The following CDH8 variants were observed in gnomAD, a reference collection of about 807,000 sequenced individuals.
CDH8 encodes the protein cadherin 8.
In CDH8, 17 loss-of-function variants were observed where a neutral mutation model predicts 68.1. The observed-to-expected ratio is 0.25, with a 90% CI of 0.17 to 0.37. The LOEUF is 0.37. CDH8 is among the 10% of genes least tolerant of loss of function. The probability of loss-of-function intolerance (pLI) is 1.00; values close to 1 mark genes in which losing one functional copy is unlikely to be tolerated. For synonymous variants in CDH8, 372 were observed against 365.1 expected (o/e 1.02, Z -0.21); for missense variants, 763 against 999.3 (o/e 0.76, Z 3.19).
At chr16:61,751,314 A>C (rs1567453470) in intron 8 of CDH8, among the ~76,000 whole-genome samples, 1 of 149,332 alleles carries the variant, frequency 6.7e-6, no homozygotes, top group Non-Finnish European at 1.5e-5. Flanking sequence ...ACTACCAGAG[A>C]AGATTTTCCT....
chr16:61,822,444 G>GA (rs1846272948), intron 5 of CDH8, among the ~76,000 whole-genome samples: 1 of 151,226 alleles, frequency 6.6e-6, no homozygotes, highest in Non-Finnish European at 1.5e-5. Flanking sequence ...AACCCAAAAG[G>GA]AAAAATCAAA....
chr16:61,681,504 T>C (rs965509775), intron 10 of CDH8, among the ~76,000 whole-genome samples: 3 of 151,722 alleles, frequency 2.0e-5, no homozygotes, highest in Admixed American at 1.3e-4. Flanking sequence ...AGATTCATTA[T>C]TGTCTGCAGC....
At chr16:61,923,613 A>C (rs1964409628) in intron 2 of CDH8, among the ~76,000 whole-genome samples, 1 of 151,706 alleles carries the variant, frequency 6.6e-6, no homozygotes, top group African/African-American at 2.4e-5. Context: ...GAAATACTAT[A>C]TGTCACATAT....
chr16:61,854,875 CTAA>C (rs1460711174), intron 4 of CDH8, among the ~76,000 whole-genome samples: 1 of 152,038 alleles, frequency 6.6e-6, no homozygotes, highest in Non-Finnish European at 1.5e-5. Flanking sequence ...TTAGGGACAA[CTAA>C]CACTTACTGC....
chr16:61,913,173 C>T (rs1268526077), intron 2 of CDH8, among the ~76,000 whole-genome samples: 1 of 152,044 alleles, frequency 6.6e-6, no homozygotes, highest in Non-Finnish European at 1.5e-5. Context: ...ACACAAAATT[C>T]ATTTATGTTT....
At chr16:61,727,986 G>T (rs1596905966) in intron 8 of CDH8, among the ~76,000 whole-genome samples, 1 of 150,900 alleles carries the variant, frequency 6.6e-6, no homozygotes, top group East Asian at 2.0e-4. Context: ...TCCTGACTTG[G>T]GACATGTTAT....
intron 10 of CDH8, among the ~76,000 whole-genome samples, chr16:61,688,790 T>C (rs1489699467): frequency 6.6e-6 from 1 of 151,998 alleles, no homozygotes; most frequent in East Asian, 1.9e-4. Context: ...CTTTAGCATA[T>C]AGGTCAACTA....
chr16:61,862,696 G>T (rs1199193776), intron 3 of CDH8, among the ~76,000 whole-genome samples: 1 of 152,150 alleles, frequency 6.6e-6, no homozygotes, highest in Non-Finnish European at 1.5e-5. Flanking sequence ...ATGTTTCGAG[G>T]TTAATCTTTT....
chr16:61,996,809 G>A (rs1336075309), intron 2 of CDH8, among the ~76,000 whole-genome samples: 2 of 152,008 alleles, frequency 1.3e-5, no homozygotes, highest in African/African-American at 4.8e-5. Flanking sequence ...TCGAACTCCC[G>A]GGCTCAAGCA....
intron 2 of CDH8, among the ~76,000 whole-genome samples, chr16:61,934,438 G>A (rs989806844): frequency 1.3e-5 from 2 of 151,992 alleles, no homozygotes; most frequent in East Asian, 1.9e-4. Flanking sequence ...GATTGTGGAG[G>A]GACAGTATAC....
At chr16:61,691,840 T>C (rs1964229775) in intron 10 of CDH8, 1 of 152,114 alleles carries the variant, frequency 6.6e-6, no homozygotes, top group South Asian at 2.1e-4. Context: ...AACCATTCCA[T>C]CAACATTTCC....
At chr16:61,841,536 G>C (rs960435697) in intron 4 of CDH8, among the ~76,000 whole-genome samples, 4 of 152,282 alleles carry the variant, frequency 2.6e-5, no homozygotes, top group Admixed American at 6.5e-5. Context: ...TAAGGGGCTG[G>C]GGAGGGAGTG....
At chr16:61,799,609 A>T (rs2142996662) in intron 7 of CDH8, among the ~76,000 whole-genome samples, 1 of 152,086 alleles carries the variant, frequency 6.6e-6, no homozygotes, top group Admixed American at 6.6e-5. Flanking sequence ...CACATAGTAA[A>T]CTCTTATTAA....
intron 2 of CDH8, among the ~76,000 whole-genome samples, chr16:62,000,664 T>C (rs1374712739): frequency 6.6e-6 from 1 of 152,226 alleles, no homozygotes; most frequent in Non-Finnish European, 1.5e-5. Flanking sequence ...AAGGAGATGC[T>C]GAAGGCATAA....
intron 7 of CDH8, among the ~76,000 whole-genome samples, chr16:61,799,028 G>C (rs1961559624): frequency 6.6e-6 from 1 of 152,106 alleles, no homozygotes; most frequent in African/African-American, 2.4e-5. Context: ...GTTAGGAGTT[G>C]TGAGGATAAA....
chr16:61,657,039 G>A (rs1386191148), intron 10 of CDH8, among the ~76,000 whole-genome samples: 1 of 141,556 alleles, frequency 7.1e-6, no homozygotes, highest in Non-Finnish European at 1.5e-5. Flanking sequence ...AGTGTTATTT[G>A]GGCAAAATAA....
chr16:61,672,410 G>T (rs1428763381), intron 10 of CDH8, among the ~76,000 whole-genome samples: 2 of 151,862 alleles, frequency 1.3e-5, no homozygotes, highest in Non-Finnish European at 2.9e-5. Context: ...TTACCTATTT[G>T]GTTGCATTTT....
At chr16:62,001,496 C>T (rs922882458) in intron 2 of CDH8, among the ~76,000 whole-genome samples, 12 of 152,066 alleles carry the variant, frequency 7.9e-5, no homozygotes, top group African/African-American at 2.9e-4. Context: ...GACAAGTAGC[C>T]CAAGGTAAAT....
At chr16:61,679,897 C>G (rs549068740) in intron 10 of CDH8, among the ~76,000 whole-genome samples, 2 of 151,800 alleles carry the variant, frequency 1.3e-5, no homozygotes, top group Non-Finnish European at 2.9e-5. Flanking sequence ...GTTAAACAAC[C>G]GAAAAGAATT....
Sources: allele counts gnomAD v4.1 joint callset (sites outside exome capture counted in the v4.1 genomes callset), GRCh38; gene constraint gnomAD v4.1.1; transcripts MANE v1.5; gene names NCBI Gene and HGNC (gene_info 2026-07-23, HGNC 2026-07-21).